The following FAM120B variants were observed in gnomAD, a reference collection of about 807,000 sequenced individuals.
The protein encoded by FAM120B is family with sequence similarity 120 member B, also known as constitutive coactivator of peroxisome proliferator-activated receptor gamma.
Under a neutral mutation model 96.3 loss-of-function variants are expected in FAM120B, and 83 were observed. The observed-to-expected ratio is 0.86, with a 90% CI of 0.72 to 1.03. The LOEUF (loss-of-function observed/expected upper bound fraction) is 1.03, where lower values mean the gene tolerates loss of function less well. Ranked by LOEUF, FAM120B falls within the 50% of genes least tolerant of loss-of-function variation. The probability of loss-of-function intolerance (pLI) is 0.00; values close to 1 mark genes in which losing one functional copy is unlikely to be tolerated. For synonymous variants in FAM120B, 407 were observed against 402.7 expected, an observed-to-expected ratio of 1.01 and a Z score of -0.13; for missense variants, 1,027 against 1,121.2, an observed-to-expected ratio of 0.92 and a Z score of 1.20.
chr6:170,361,239 C>CATAT (rs1562567285), intron 6 of FAM120B, among the ~76,000 whole-genome samples: 1 of 58,788 alleles, frequency 1.7e-5, no homozygotes, highest in African/African-American at 6.4e-5. Flanking sequence ...TATATATACA[C>CATAT]GTATATATAT....
chr6:170,364,469 G>C (rs1293298028), intron 6 of FAM120B, among the ~76,000 whole-genome samples: 2 of 152,162 alleles, frequency 1.3e-5, no homozygotes, highest in African/African-American at 4.8e-5. Flanking sequence ...CAGTGTTCTT[G>C]CTCCTCTTTA....
intron 6 of FAM120B, among the ~76,000 whole-genome samples, chr6:170,371,134 C>G (rs975596799): frequency 5.3e-5 from 8 of 152,072 alleles, no homozygotes; most frequent in African/African-American, 1.9e-4. Context: ...TATGCAGTCT[C>G]CCTCCCCCCA....
At position 170,323,244 on chromosome 6, in the gene FAM120B, C is replaced by T; in HGVS notation, c.1900C>T (p.Leu634=). 6.2e-7 allele frequency: 1 copy of T among 1,613,156 alleles called. No homozygotes were observed. Among genetic ancestry groups the T allele is most frequent in the Non-Finnish European group, 8.5e-7 (1 of 1,179,556 alleles). ...PIRQRVYSLL[L]EDCQDVTSTC... ...TCGACAGCGGGTCTACTCACTCTTA[C>T]TGGAGGACTGTCAAGGTGAGAATTG... The change falls in exon 3 of 11, where the codon CTG becomes TTG. Residue 634 remains leucine (L), a synonymous_variant. Coordinates refer to ENST00000476287, the MANE Select transcript of FAM120B (RefSeq NM_032448.3).
chr6:170,358,983 G>T (rs1481164493), intron 6 of FAM120B, among the ~76,000 whole-genome samples: 2 of 152,170 alleles, frequency 1.3e-5, no homozygotes, highest in Non-Finnish European at 2.9e-5. Flanking sequence ...TTAAAATTCT[G>T]CTTTATCAAT....
At chr6:170,321,767 C>T (rs527777168) in intron 2 of FAM120B, among the ~76,000 whole-genome samples, 11 of 152,208 alleles carry the variant, frequency 7.2e-5, no homozygotes, top group Non-Finnish European at 1.5e-4. Context: ...CTCATTTAAT[C>T]CTCACAGTAG....
At chr6:170,369,811 G>C (rs942163546) in intron 6 of FAM120B, among the ~76,000 whole-genome samples, 1 of 151,764 alleles carries the variant, frequency 6.6e-6, no homozygotes, top group Non-Finnish European at 1.5e-5. Flanking sequence ...TCAGTTACTT[G>C]GGGGTGGAAA....
Position 170,333,211 on chromosome 6 carries a change from G to A in FAM120B, c.2017+2661G>A, listed in dbSNP as rs1044077342. Among the ~76,000 whole-genome samples the A allele has an allele frequency of 3.7e-5, 5 of 135,040 alleles. No individual in the cohort carries two copies. The Admixed American group carries it at 4.0e-4, about 11-fold the overall frequency. 88.6% of individuals were successfully genotyped at this position (135,040 alleles called of 152,430 possible). A position where few individuals can be genotyped will look rare whatever the true frequency, so the allele number is the denominator to read the frequency against. Reference sequence around the variant, plus strand: ...GTATTGAAAACCTAATCACTAATGTGATGGTATTGGGAGGTGGGGCCTTTG... The same window carrying A: ...GTATTGAAAACCTAATCACTAATGTAATGGTATTGGGAGGTGGGGCCTTTG... On this transcript the variant is annotated intron_variant, in intron 4 of 10. Transcript: ENST00000476287.
At chr6:170,398,845 A>C (rs1359793693) in intron 9 of FAM120B, among the ~76,000 whole-genome samples, 1 of 151,526 alleles carries the variant, frequency 6.6e-6, no homozygotes, top group African/African-American at 2.4e-5. Context: ...ACTATGTCAT[A>C]ACTCTTAGAA....
intron 4 of FAM120B, among the ~76,000 whole-genome samples, chr6:170,340,408 T>C (rs1786742258): frequency 6.6e-6 from 1 of 152,204 alleles, no homozygotes; most frequent in Non-Finnish European, 1.5e-5. Context: ...TTATCAAGGT[T>C]CTTAGCTTCC....
In FAM120B at chr6:170,346,934, C is replaced by G. The variant is rs180756476; in HGVS notation, c.2018-1217C>G. 9.9e-5 allele frequency among the ~76,000 whole-genome samples: 15 copies of G among 152,144 alleles called. No individual in the cohort carries two copies. In the East Asian group the frequency reaches 2.9e-3, roughly 29 times the overall value. On this transcript the variant is annotated intron_variant, in intron 4 of 10. Transcript: ENST00000476287. ...CTGCCATAGGGTTGTTTTGTTTTTGCTAATTATCCTTAGCATTTTCTTAAG... is the reference window on the plus strand; with the variant it reads ...CTGCCATAGGGTTGTTTTGTTTTTGGTAATTATCCTTAGCATTTTCTTAAG...
intron 9 of FAM120B, among the ~76,000 whole-genome samples, chr6:170,399,788 G>C (rs1778444625): frequency 6.8e-6 from 1 of 147,920 alleles, no homozygotes; most frequent in African/African-American, 2.5e-5. Context: ...CCTTAGGAGT[G>C]AGTGAGGAAG....
At chr6:170,366,874 G>C (rs771924677) in intron 6 of FAM120B, among the ~76,000 whole-genome samples, 12 of 152,058 alleles carry the variant, frequency 7.9e-5, no homozygotes, top group Non-Finnish European at 1.6e-4. Context: ...GCCCAGCCTC[G>C]GATAAGCTCA....
chr6:170,320,885 G>A (rs372141534), intron 2 of FAM120B, among the ~76,000 whole-genome samples: 1 of 152,186 alleles, frequency 6.6e-6, no homozygotes, highest in African/African-American at 2.4e-5. Flanking sequence ...GAAAAGAAAC[G>A]GTCAGGAGTA....
Position 170,310,236 on chromosome 6 carries a change from A to G in FAM120B, c.-22+3394A>G, listed in dbSNP as rs568094631. Among the ~76,000 whole-genome samples, 145 of 152,372 alleles carry G rather than the reference A, an allele frequency of 9.5e-4. 2 individuals are homozygous for G. Among genetic ancestry groups the G allele is most frequent in the Non-Finnish European group, 1.9e-4 (13 of 68,046 alleles). ...CAGCCTCTAAGGGGTTTTGTAGAGC[A>G]CAGTGTGGGTAGGAAAGGCCAAGGG... is the stretch of plus-strand genomic sequence containing the variant. On this transcript the variant is annotated intron_variant, in intron 1 of 10. Transcript: ENST00000476287.
upstream of FAM120B, among the ~76,000 whole-genome samples, chr6:170,304,547 CTCTTTT>C (rs1352905091): frequency 3.9e-5 from 6 of 152,054 alleles, no homozygotes; most frequent in African/African-American, 1.4e-4. Context: ...TTTGTGTTTT[CTCTTTT>C]TCTTTTTTGT....
chr6:170,338,845 T>C (rs1009491879), intron 4 of FAM120B, among the ~76,000 whole-genome samples: 9 of 70,328 alleles, frequency 1.3e-4, no homozygotes, highest in Admixed American at 7.5e-4. Flanking sequence ...TGCAACCTGC[T>C]TTTTTTTTTT....
At chr6:170,358,002 G>A (rs1046353588) in intron 5 of FAM120B, among the ~76,000 whole-genome samples, 6 of 151,898 alleles carry the variant, frequency 4.0e-5, no homozygotes, top group Middle Eastern at 3.2e-3. Flanking sequence ...ACCTGTGTGT[G>A]TACATGTGTG....
intron 4 of FAM120B, among the ~76,000 whole-genome samples, chr6:170,334,646 G>A (rs1378470134): frequency 6.6e-6 from 1 of 152,116 alleles, no homozygotes; most frequent in East Asian, 1.9e-4. Context: ...GGCTGCCAGT[G>A]TCTGAAACTG....
rs1302212915 is a variant in FAM120B at position 170,395,511 on chromosome 6, G to C, written c.2624G>C (p.Ser875Thr). The change falls in exon 9 of 11, where the codon AGC (serine) becomes ACC (threonine). Residue 875 changes from serine to threonine, a missense_variant. Physicochemically the swap from Ser to Thr is moderately conservative, Grantham distance 58. Coordinates refer to ENST00000476287, the MANE Select transcript of FAM120B (RefSeq NM_032448.3). Reference sequence around the variant, plus strand: ...GGGAGGTGGGGAAGACAGGGCTCCAGCTACCACAGGACGGGCTCTGGGTAT... The same window carrying C: ...GGGAGGTGGGGAAGACAGGGCTCCACCTACCACAGGACGGGCTCTGGGTAT... ...HAGRWGRQGS[S>T]YHRTGSGYSR... 1.3e-6 allele frequency: 2 copies of C among 1,598,466 alleles called. No homozygotes were observed. The highest frequency in any genetic ancestry group is 1.7e-6 in the Non-Finnish European group (2 of 1,172,612).
Sources: allele counts gnomAD v4.1 joint callset (sites outside exome capture counted in the v4.1 genomes callset), GRCh38; gene constraint gnomAD v4.1.1; transcripts MANE v1.5; gene names NCBI Gene and HGNC (gene_info 2026-07-23, HGNC 2026-07-21).